The following F2RL1 variants were observed in gnomAD, a reference collection of about 807,000 sequenced individuals.
F2RL1 encodes the protein F2R like trypsin receptor 1.
Under a neutral mutation model 21.7 loss-of-function variants are expected in F2RL1, and 16 were observed. That is an observed-to-expected ratio of 0.74 (90% CI 0.50 to 1.12). The LOEUF (loss-of-function observed/expected upper bound fraction) is 1.12, where lower values mean the gene tolerates loss of function less well. F2RL1 is among the 50% of genes most tolerant of loss of function. F2RL1 has a pLI of 0.00. For synonymous variants in F2RL1, 181 were observed against 186.7 expected (o/e 0.97, Z 0.25); for missense variants, 432 against 477.8 (o/e 0.90, Z 0.89).
chr5:76,832,413 G>A (rs567874126), intron 1 of F2RL1, among the ~76,000 whole-genome samples: 107 of 152,186 alleles, frequency 7.0e-4, no homozygotes, highest in African/African-American at 2.2e-3. Context: ...AACAGCCTGG[G>A]CAACATAGTG....
At position 76,833,790 on chromosome 5, in the gene F2RL1, ACCT is replaced by A. The variant is rs1750405051; in HGVS notation, c.1187_1189del (p.Ser396del). On this transcript the variant is annotated inframe_deletion, in exon 2 of 2. Coordinates refer to ENST00000296677, the MANE Select transcript of F2RL1 (RefSeq NM_005242.6). ...CTCTTCAAGTTCAACCACTGTTAAG[ACCT>A]CCTATTGAGTTTTCCAGGTCCTCAG... 1.2e-6 allele frequency: 2 copies of A among 1,613,198 alleles called. No homozygotes were observed. Among genetic ancestry groups the A allele is most frequent in the East Asian group, 4.5e-5 (2 of 44,804 alleles).
chr5:76,821,284 T>C (rs1057105339), intron 1 of F2RL1, among the ~76,000 whole-genome samples: 1 of 152,232 alleles, frequency 6.6e-6, no homozygotes, highest in Non-Finnish European at 1.5e-5. Context: ...GCTTAATATG[T>C]GTCCTCACTG....
rs1165361355 is a variant in F2RL1, at chr5:76,833,463, A to G, written c.856A>G (p.Ile286Val). The change falls in exon 2 of 2, where the codon ATC becomes GTC. Residue 286 changes from isoleucine to valine, a missense_variant. Ile to Val is a conservative substitution (Grantham distance 29). Coordinates refer to ENST00000296677, the MANE Select transcript of F2RL1 (RefSeq NM_005242.6). ...CTCAGAGAAGAAAAGGAAGAGGGCC[A>G]TCAAACTCATTGTCACTGTCCTGGC... The part of the protein sequence containing the change: ...ENSEKKRKRA[I>V]KLIVTVLAMY... 6.2e-7 allele frequency: 1 copy of G among 1,613,852 alleles called. No individual in the cohort carries two copies. Among genetic ancestry groups the G allele is most frequent in the South Asian group, 1.1e-5 (1 of 91,066 alleles).
chr5:76,821,198 A>G (rs1750128435), intron 1 of F2RL1, among the ~76,000 whole-genome samples: 1 of 152,192 alleles, frequency 6.6e-6, no homozygotes, highest in Admixed American at 6.5e-5. Context: ...TGAGGAGGCA[A>G]GGCAAGGAAA....
At chr5:76,827,715 T>C (rs1440391795) in intron 1 of F2RL1, among the ~76,000 whole-genome samples, 2 of 149,726 alleles carry the variant, frequency 1.3e-5, no homozygotes, top group East Asian at 4.1e-4. Flanking sequence ...TTCTCCTGTC[T>C]CAGCTTCCCG....
At chr5:76,827,338 A>G (rs1416730514) in intron 1 of F2RL1, among the ~76,000 whole-genome samples, 1 of 148,726 alleles carries the variant, frequency 6.7e-6, no homozygotes, top group Non-Finnish European at 1.5e-5. Flanking sequence ...AAAAAAAAAA[A>G]AAAAAAAAAA....
In F2RL1 at chr5:76,834,069, G is replaced by A; in HGVS notation, c.*268G>A. 2.7e-6 allele frequency: 1 copy of A among 369,456 alleles called. No individual in the cohort carries two copies. The highest frequency in any genetic ancestry group is 4.2e-5 in the Admixed American group (1 of 23,762). 22.9% of individuals were successfully genotyped at this position (369,456 alleles called of 1,614,324 possible). On this transcript the variant is annotated 3_prime_UTR_variant, in exon 2 of 2. Transcript: ENST00000296677. ...GACTTTTCAGAAGATGGTGAAGACA[G>A]AAACCCAGTAACTTGCAAAAAGTAG...
chr5:76,833,731 C>A lies in F2RL1; in HGVS notation c.1124C>A (p.Thr375Asn). Reference sequence around the variant, plus strand: ...GTAAAGCAGATGCAAGTATCCCTCACCTCAAAGAAACACTCCAGGAAATCC... The same window carrying A: ...GTAAAGCAGATGCAAGTATCCCTCAACTCAAAGAAACACTCCAGGAAATCC... ...RTVKQMQVSL[T>N]SKKHSRKSSS... The change falls in exon 2 of 2, where the codon ACC becomes AAC. Residue 375 changes from threonine (T) to asparagine (N), a missense_variant. By Grantham distance (65) the Thr-to-Asn change is moderately conservative (BLOSUM62 0). Coordinates refer to ENST00000296677, the MANE Select transcript of F2RL1 (RefSeq NM_005242.6). The A allele has an allele frequency of 6.2e-7, 1 of 1,614,052 alleles. No homozygotes were observed. The highest frequency in any genetic ancestry group is 8.5e-7 in the Non-Finnish European group (1 of 1,180,026).
At position 76,833,679 on chromosome 5, in the gene F2RL1, G is replaced by A. The variant is rs563654389; in HGVS notation, c.1072G>A (p.Ala358Thr). The change falls in exon 2 of 2, where the codon GCT becomes ACT. Residue 358 changes from alanine (A) to threonine (T), a missense_variant. Ala to Thr is a moderately conservative substitution (Grantham distance 58). Transcript: ENST00000296677. ...TGATTTCAGGGATCATGCAAAGAAC[G>A]CTCTCCTTTGCCGAAGTGTCCGCAC... ...SHDFRDHAKNALLCRSVRTVK... is the reference protein window; with the variant it reads ...SHDFRDHAKNTLLCRSVRTVK... 2.6e-5 allele frequency: 42 copies of A among 1,613,888 alleles called. No homozygotes were observed. Among genetic ancestry groups the A allele is most frequent in the Middle Eastern group, 1.6e-4 (1 of 6,062 alleles).
At chr5:76,830,632 C>T (rs1750333342) in intron 1 of F2RL1, among the ~76,000 whole-genome samples, 1 of 152,178 alleles carries the variant, frequency 6.6e-6, no homozygotes, top group Admixed American at 6.5e-5. Context: ...GCCTAGATAA[C>T]CCAGGGAGAT....
rs1447756784 is a variant in F2RL1, at chr5:76,833,577, G to T, written c.970G>T (p.Ala324Ser). Residue 324 changes from alanine to serine, a missense_variant, in exon 2 of 2, where the codon GCC becomes TCC. Ala to Ser is a moderately conservative substitution (Grantham distance 99). Transcript: ENST00000296677. ...GAGCCAGGGCCAGAGCCATGTCTAT[G>T]CCCTGTACATTGTAGCCCTCTGCCT... ...IKSQGQSHVYALYIVALCLST... is the reference protein window; with the variant it reads ...IKSQGQSHVYSLYIVALCLST... 1 of 1,613,752 alleles carries T rather than the reference G, an allele frequency of 6.2e-7. No individual in the cohort carries two copies. Among genetic ancestry groups the T allele is most frequent in the East Asian group, 2.2e-5 (1 of 44,822 alleles).
chr5:76,830,388 C>T (rs1750328940), intron 1 of F2RL1, among the ~76,000 whole-genome samples: 1 of 152,222 alleles, frequency 6.6e-6, no homozygotes, highest in South Asian at 2.1e-4. Context: ...AGCAATTCTC[C>T]TGCCTCAGCC....
At chr5:76,831,819 T>C (rs1054520763) in intron 1 of F2RL1, among the ~76,000 whole-genome samples, 6 of 152,126 alleles carry the variant, frequency 3.9e-5, no homozygotes, top group Admixed American at 2.0e-4. Context: ...TGAGCCACCA[T>C]GCCCAGCCAA....
chr5:76,825,953 T>C (rs1750230660), intron 1 of F2RL1, among the ~76,000 whole-genome samples: 1 of 152,194 alleles, frequency 6.6e-6, no homozygotes. Flanking sequence ...GAGCACTCTT[T>C]ATGTGAGCTT....
intron 1 of F2RL1, among the ~76,000 whole-genome samples, chr5:76,826,956 T>G (rs2150606019): frequency 6.6e-6 from 1 of 152,072 alleles, no homozygotes; most frequent in Non-Finnish European, 1.5e-5. Context: ...GTTCAAGCTG[T>G]CCTCCTGCCT....
At chr5:76,823,147 G>A (rs543821581) in intron 1 of F2RL1, among the ~76,000 whole-genome samples, 2 of 151,610 alleles carry the variant, frequency 1.3e-5, no homozygotes, top group South Asian at 2.1e-4. Context: ...GGAGAATGGC[G>A]TGAACCCGGG....
chr5:76,826,591 T>G (rs1196097832), intron 1 of F2RL1, among the ~76,000 whole-genome samples: 1 of 151,694 alleles, frequency 6.6e-6, no homozygotes, highest in African/African-American at 2.4e-5. Context: ...TCTGCAACCT[T>G]TGCCTCTAGT....
At position 76,833,411 on chromosome 5, in the gene F2RL1, G is replaced by T. The variant is rs779793164; in HGVS notation, c.804G>T (p.Met268Ile). ...TASAYVLMIR[M>I]LRSSAMDENS... ...CTGCCTATGTGCTGATGATCAGAAT[G>T]CTGCGATCTTCTGCCATGGATGAAA... Residue 268 changes from methionine (M) to isoleucine (I), a missense_variant, in exon 2 of 2, where the codon ATG becomes ATT. Transcript: ENST00000296677. The T allele has an allele frequency of 3.7e-6, 6 of 1,614,034 alleles. No homozygotes were observed. The South Asian group carries it at 6.6e-5, about 18-fold the overall frequency.
chr5:76,819,994 T>C (rs2242999), intron 1 of F2RL1, among the ~76,000 whole-genome samples: 1,829 of 152,274 alleles, frequency 0.012, 49 homozygotes, highest in African/African-American at 0.042. Context: ...GCGGAACTTT[T>C]TGGACCCTGC....
Sources: allele counts gnomAD v4.1 joint callset (sites outside exome capture counted in the v4.1 genomes callset), GRCh38; gene constraint gnomAD v4.1.1; transcripts MANE v1.5; gene names NCBI Gene and HGNC (gene_info 2026-07-23, HGNC 2026-07-21).